ARHGAP26: variants seen among roughly 807,000 people sequenced by gnomAD.
ARHGAP26 encodes the protein Rho GTPase activating protein 26, also known as rho GTPase-activating protein 26.
A neutral mutation model predicts 104.8 loss-of-function variants in ARHGAP26; 38 were observed. The ratio of observed to expected loss-of-function variants is 0.36; its 90% CI spans 0.28 to 0.48. The LOEUF (loss-of-function observed/expected upper bound fraction) is 0.48, where lower values mean the gene tolerates loss of function less well. ARHGAP26 is among the 20% of genes least tolerant of loss of function. The probability of loss-of-function intolerance (pLI) is 0.99; values close to 1 mark genes in which losing one functional copy is unlikely to be tolerated. For synonymous variants in ARHGAP26, 341 were observed against 340.0 expected, an observed-to-expected ratio of 1.00 and a Z score of -0.03; for missense variants, 704 against 947.9, an observed-to-expected ratio of 0.74 and a Z score of 3.38.
chr5:143,058,765 AAG>A (rs1228646755), intron 17 of ARHGAP26, among the ~76,000 whole-genome samples: 1 of 152,234 alleles, frequency 6.6e-6, no homozygotes, highest in East Asian at 1.9e-4. Context: ...CTTTGGGAAA[AAG>A]AGTGATATAT....
At chr5:142,900,263 C>T (rs1342240396) in intron 6 of ARHGAP26, among the ~76,000 whole-genome samples, 1 of 152,122 alleles carries the variant, frequency 6.6e-6, no homozygotes, top group Non-Finnish European at 1.5e-5. Context: ...AGCCTTCGGC[C>T]GTCTTTGAAG....
At chr5:143,075,874 T>C (rs1598903421) in intron 17 of ARHGAP26, among the ~76,000 whole-genome samples, 1 of 152,148 alleles carries the variant, frequency 6.6e-6, no homozygotes, top group South Asian at 2.1e-4. Context: ...AATTTTTGTA[T>C]TTTTTGTAGA....
intron 1 of ARHGAP26, among the ~76,000 whole-genome samples, chr5:142,802,647 T>C (rs1762295149): frequency 6.6e-6 from 1 of 152,190 alleles, no homozygotes; most frequent in Non-Finnish European, 1.5e-5. Context: ...GTTTTTGGGA[T>C]TGAAGTTTTA....
intron 21 of ARHGAP26, chr5:143,207,528 A>T: frequency 6.3e-7 from 1 of 1,593,572 alleles, no homozygotes. Flanking sequence ...CTGGCCAGGG[A>T]CAACAGGGGG....
chr5:143,086,498 G>A (rs1790609217), intron 17 of ARHGAP26, among the ~76,000 whole-genome samples: 1 of 152,130 alleles, frequency 6.6e-6, no homozygotes, highest in Non-Finnish European at 1.5e-5. Context: ...ATGTAAGCAA[G>A]TTTTGCCAGC....
intron 1 of ARHGAP26, among the ~76,000 whole-genome samples, chr5:142,854,412 G>C (rs1010913343): frequency 5.3e-5 from 8 of 152,204 alleles, no homozygotes; most frequent in Admixed American, 2.0e-4. Context: ...TCTGTCTCCA[G>C]TAGGTTGTAG....
chr5:142,987,092 G>T (rs4912647), intron 11 of ARHGAP26, among the ~76,000 whole-genome samples: 1 of 150,996 alleles, frequency 6.6e-6, no homozygotes, highest in South Asian at 2.1e-4. Flanking sequence ...GGGCGGTATG[G>T]CCATTTTCAC....
At chr5:142,771,073 G>A in intron 1 of ARHGAP26, 158 bp downstream of exon 1, 2 of 1,372,560 alleles carry the variant, frequency 1.5e-6, no homozygotes, top group Non-Finnish European at 1.9e-6. Flanking sequence ...ACGTAAAGCG[G>A]GCGAACCAGC....
At chr5:143,134,577 T>C (rs1797714819) in intron 19 of ARHGAP26, among the ~76,000 whole-genome samples, 1 of 152,230 alleles carries the variant, frequency 6.6e-6, no homozygotes, top group African/African-American at 2.4e-5. Flanking sequence ...TCATGGTGCC[T>C]GGCATGGAGT....
At chr5:143,000,296 A>G (rs1219576474) in intron 11 of ARHGAP26, among the ~76,000 whole-genome samples, 1 of 152,260 alleles carries the variant, frequency 6.6e-6, no homozygotes, top group Non-Finnish European at 1.5e-5. Flanking sequence ...AGAGAAGTGA[A>G]AACACATGTC....
intron 20 of ARHGAP26, among the ~76,000 whole-genome samples, chr5:143,177,136 G>A (rs1295919212): frequency 6.6e-6 from 1 of 152,104 alleles, no homozygotes; most frequent in Non-Finnish European, 1.5e-5. Flanking sequence ...TCAATGTGCT[G>A]GTTTGGGTGA....
At chr5:143,179,369 G>C (rs114377552) in intron 20 of ARHGAP26, among the ~76,000 whole-genome samples, 1 of 152,202 alleles carries the variant, frequency 6.6e-6, no homozygotes, top group Admixed American at 6.5e-5. Flanking sequence ...AGCTGTGGGA[G>C]CCCAAGTGAA....
At chr5:143,170,559 G>C (rs1322293229) in intron 20 of ARHGAP26, 1 of 152,228 alleles carries the variant, frequency 6.6e-6, no homozygotes, top group African/African-American at 2.4e-5. Flanking sequence ...CATGAGCTAT[G>C]GTGATGATAA....
intron 17 of ARHGAP26, among the ~76,000 whole-genome samples, chr5:143,113,667 C>T (rs564356638): frequency 1.3e-5 from 2 of 152,142 alleles, no homozygotes; most frequent in Admixed American, 6.5e-5. Flanking sequence ...AGCCATTTTC[C>T]GCTGCAAGAA....
intron 12 of ARHGAP26, among the ~76,000 whole-genome samples, chr5:143,031,340 G>A (rs1283652642): frequency 2.0e-5 from 3 of 152,226 alleles, no homozygotes; most frequent in Admixed American, 2.0e-4. Context: ...AGGGCAGACA[G>A]GAACAAGAAG....
intron 22 of ARHGAP26, among the ~76,000 whole-genome samples, chr5:143,219,284 G>A (rs1810827812): frequency 2.0e-5 from 3 of 152,200 alleles, no homozygotes; most frequent in African/African-American, 7.2e-5. Flanking sequence ...GGATCCTGAG[G>A]ATCAAATGAA....
chr5:143,048,836 C>T (rs972982506), intron 14 of ARHGAP26, among the ~76,000 whole-genome samples: 6 of 148,550 alleles, frequency 4.0e-5, no homozygotes, highest in Non-Finnish European at 8.9e-5. Context: ...ATCGCTTGAA[C>T]GTGGGAGGTG....
intron 1 of ARHGAP26, among the ~76,000 whole-genome samples, chr5:142,851,679 C>T (rs1257905760): frequency 3.3e-5 from 5 of 152,104 alleles, no homozygotes; most frequent in African/African-American, 9.7e-5. Context: ...CCTATGTGGC[C>T]GCCCCCTCCC....
At chr5:142,893,070 C>T (rs954919094) in intron 5 of ARHGAP26, among the ~76,000 whole-genome samples, 1 of 150,132 alleles carries the variant, frequency 6.7e-6, no homozygotes, top group Non-Finnish European at 1.5e-5. Context: ...CTGCAACCTC[C>T]GCCTCCTGGG....
Sources: gnomAD v4.1 joint callset for allele counts (sites outside exome capture counted in the v4.1 genomes callset) on GRCh38, gnomAD v4.1.1 for gene constraint, MANE v1.5 for transcripts, NCBI Gene and HGNC (gene_info 2026-07-23, HGNC 2026-07-21) for gene names.